The following CTIF variants were observed in gnomAD, a reference collection of about 807,000 sequenced individuals.
CTIF encodes CBP80/20-dependent translation initiation factor.
CTIF carries 21 observed loss-of-function variants against 66.0 expected under a neutral mutation model. That is an observed-to-expected ratio of 0.32 (90% CI 0.23 to 0.46). The LOEUF (loss-of-function observed/expected upper bound fraction) is 0.46. CTIF is among the 20% of genes least tolerant of loss of function. The pLI is 1.00. For missense variants in CTIF, 739 were observed against 812.7 expected (o/e 0.91, Z 1.10); for synonymous variants, 345 against 326.4 (o/e 1.06, Z -0.62).
intron 1 of CTIF, among the ~76,000 whole-genome samples, chr18:48,611,620 G>T (rs1287792885): frequency 1.3e-5 from 2 of 152,238 alleles, no homozygotes; most frequent in African/African-American, 4.8e-5. Context: ...TAGGAATGCT[G>T]AGTCTCAGGC....
intron 1 of CTIF, among the ~76,000 whole-genome samples, chr18:48,613,096 C>G (rs2090337208): frequency 6.6e-6 from 1 of 152,160 alleles, no homozygotes; most frequent in Admixed American, 6.5e-5. Context: ...GAACTCATCC[C>G]TGAGGATTGG....
In CTIF at chr18:48,766,089, G is replaced by T. The variant is rs1194338414; in HGVS notation, c.1371+4400G>T. On this transcript the variant is annotated intron_variant, in intron 9 of 11. Coordinates refer to ENST00000256413, the MANE Select transcript of CTIF (RefSeq NM_014772.3). ...TTTAACATTAGGTATATCTCCTAAT[G>T]CTATCCCTCCCCCCTCCCCCCACCC... Among the ~76,000 whole-genome samples the T allele has an allele frequency of 4.2e-5, 6 of 144,360 alleles. No individual in the cohort carries two copies. The East Asian group carries it at 1.0e-3, about 25-fold the overall frequency. The allele number at this position is 144,360 out of a possible 152,430, so 94.7% of individuals were successfully genotyped here.
intron 9 of CTIF, among the ~76,000 whole-genome samples, chr18:48,763,696 A>G (rs186663396): frequency 2.3e-3 from 343 of 152,292 alleles, no homozygotes; most frequent in Non-Finnish European, 2.7e-3. Context: ...CTTGGCCTCT[A>G]TAGTTCCCTG....
At chr18:48,560,977 G>A (rs1461254775) in intron 1 of CTIF, among the ~76,000 whole-genome samples, 2 of 152,112 alleles carry the variant, frequency 1.3e-5, no homozygotes, top group South Asian at 2.1e-4. Flanking sequence ...AGTGGCTCAC[G>A]CCTGTAATCC....
intron 1 of CTIF, among the ~76,000 whole-genome samples, chr18:48,613,800 G>A (rs1462526239): frequency 1.3e-5 from 2 of 152,200 alleles, no homozygotes; most frequent in East Asian, 1.9e-4. Flanking sequence ...AGGAGCTCTG[G>A]GGCAGGTCCT....
chr18:48,823,596 G>C (rs1264646773), intron 10 of CTIF, among the ~76,000 whole-genome samples: 1 of 152,198 alleles, frequency 6.6e-6, no homozygotes, highest in Admixed American at 6.5e-5. Context: ...TAGGAAGTGT[G>C]ATTGCCTCAA....
At chr18:48,767,347 T>C (rs1286489869) in intron 9 of CTIF, among the ~76,000 whole-genome samples, 1 of 152,062 alleles carries the variant, frequency 6.6e-6, no homozygotes, top group Non-Finnish European at 1.5e-5. Context: ...GCCTGAGCCC[T>C]CTCCACCCAG....
intron 6 of CTIF, among the ~76,000 whole-genome samples, chr18:48,710,685 G>T (rs1374064058): frequency 6.6e-6 from 1 of 152,238 alleles, no homozygotes; most frequent in Non-Finnish European, 1.5e-5. Context: ...CAACCTTGAT[G>T]TAGATGTAGA....
intron 1 of CTIF, chr18:48,566,525 A>G (rs2089283993): frequency 6.6e-6 from 1 of 152,228 alleles, no homozygotes; most frequent in Non-Finnish European, 1.5e-5. Context: ...TTTCATGGCT[A>G]AGTCCTGTTG....
At chr18:48,679,218 TC>T (rs1445546977) in intron 6 of CTIF, among the ~76,000 whole-genome samples, 4 of 152,234 alleles carry the variant, frequency 2.6e-5, no homozygotes, top group African/African-American at 9.6e-5. Flanking sequence ...AAAATAATTT[TC>T]TTCCAGCTTC....
At chr18:48,723,636 T>C (rs2092361414) in intron 7 of CTIF, among the ~76,000 whole-genome samples, 1 of 152,146 alleles carries the variant, frequency 6.6e-6, no homozygotes, top group Non-Finnish European at 1.5e-5. Flanking sequence ...TTCCTCCAGC[T>C]GTTGGCTCCC....
chr18:48,771,826 C>T lies in CTIF; in HGVS notation c.1371+10137C>T, dbSNP rs376878737. Among the ~76,000 whole-genome samples the T allele has an allele frequency of 6.4e-4, 97 of 152,358 alleles. 1 individual carries two copies. In the South Asian group the frequency reaches 0.019, roughly 30 times the overall value. ...GTGAGCGGCCGGCCCCCAGCCGCCGCGGGGAATCTGAGCTATGCTAAGCGG... is the reference window on the plus strand; with the variant it reads ...GTGAGCGGCCGGCCCCCAGCCGCCGTGGGGAATCTGAGCTATGCTAAGCGG... On this transcript the variant is annotated intron_variant, in intron 9 of 11. Coordinates refer to ENST00000256413, the MANE Select transcript of CTIF (RefSeq NM_014772.3).
intron 7 of CTIF, among the ~76,000 whole-genome samples, chr18:48,729,454 TA>T (rs1368467420): frequency 2.6e-5 from 4 of 152,042 alleles, no homozygotes; most frequent in Non-Finnish European, 4.4e-5. Flanking sequence ...ACCCAAATAT[TA>T]ACAACACAAA....
At chr18:48,556,595 C>T (rs2089027556) in intron 1 of CTIF, among the ~76,000 whole-genome samples, 1 of 151,850 alleles carries the variant, frequency 6.6e-6, no homozygotes, top group Admixed American at 6.6e-5. Flanking sequence ...GATGGAGTCT[C>T]ACCCTGTTGC....
chr18:48,551,599 ATTC>A (rs1436985890), intron 1 of CTIF, among the ~76,000 whole-genome samples: 1 of 152,020 alleles, frequency 6.6e-6, no homozygotes. Flanking sequence ...TGTAGTTGTT[ATTC>A]TTCTCTTTTG....
At chr18:48,760,180 C>T (rs1908825372) in intron 8 of CTIF, 1 of 150,692 alleles carries the variant, frequency 6.6e-6, no homozygotes, top group Non-Finnish European at 1.5e-5. Flanking sequence ...AGGATTCAGC[C>T]CTTTCTTTTT....
intron 7 of CTIF, among the ~76,000 whole-genome samples, chr18:48,734,523 A>C (rs1351481821): frequency 2.6e-5 from 4 of 152,172 alleles, no homozygotes; most frequent in Middle Eastern, 3.2e-3. Context: ...CCAAGATTGC[A>C]CCACTGCACT....
chr18:48,775,929 A>G (rs1910627689), intron 9 of CTIF, among the ~76,000 whole-genome samples: 1 of 152,218 alleles, frequency 6.6e-6, no homozygotes, highest in Non-Finnish European at 1.5e-5. Flanking sequence ...AGGTCACTGT[A>G]ACCACACTGG....
intron 10 of CTIF, among the ~76,000 whole-genome samples, chr18:48,830,275 T>C (rs2068662566): frequency 6.6e-6 from 1 of 152,228 alleles, no homozygotes; most frequent in Non-Finnish European, 1.5e-5. Flanking sequence ...AGGATTCTCC[T>C]GCCTCAGCCT....
Sources: allele counts gnomAD v4.1 joint callset (sites outside exome capture counted in the v4.1 genomes callset), GRCh38; gene constraint gnomAD v4.1.1; transcripts MANE v1.5; gene names NCBI Gene and HGNC (gene_info 2026-07-23, HGNC 2026-07-21).